The following CCM2 variants were observed in gnomAD, a reference collection of about 807,000 sequenced individuals.
CCM2 encodes cerebral cavernous malformations 2 protein.
A neutral mutation model predicts 44.9 loss-of-function variants in CCM2; 25 were observed. The ratio of observed to expected loss-of-function variants is 0.56; its 90% CI spans 0.41 to 0.78. The LOEUF (loss-of-function observed/expected upper bound fraction) is 0.78, where lower values mean the gene tolerates loss of function less well. Ranked by LOEUF, CCM2 falls within the 30% of genes least tolerant of loss-of-function variation. The pLI is 0.00. For missense variants in CCM2, 481 were observed against 580.6 expected (o/e 0.83, Z 1.76); for synonymous variants, 219 against 241.1 (o/e 0.91, Z 0.85).
chr7:45,040,018 CTG>C (rs904733302), intron 2 of CCM2, among the ~76,000 whole-genome samples: 1 of 151,560 alleles, frequency 6.6e-6, no homozygotes, highest in Non-Finnish European at 1.5e-5. Context: ...AAGAGTGAGA[CTG>C]TATGTCAAAA....
At chr7:45,034,245 C>G (rs1381254065) in intron 1 of CCM2, among the ~76,000 whole-genome samples, 1 of 151,434 alleles carries the variant, frequency 6.6e-6, no homozygotes, top group Non-Finnish European at 1.5e-5. Context: ...GAGTCTCTCT[C>G]TTGTTGCCCA....
chr7:45,018,766 T>G (rs529466835), intron 1 of CCM2, among the ~76,000 whole-genome samples: 2 of 123,996 alleles, frequency 1.6e-5, no homozygotes, highest in African/African-American at 8.5e-5. Context: ...AAGAATTTCT[T>G]TTTTTTTTTT....
At chr7:45,005,753 T>A (rs1319660682) in intron 1 of CCM2, among the ~76,000 whole-genome samples, 2 of 152,146 alleles carry the variant, frequency 1.3e-5, no homozygotes, top group Non-Finnish European at 2.9e-5. Flanking sequence ...CACTTACACC[T>A]AAAATTAGAG....
At chr7:45,022,768 T>G (rs983116049) in intron 1 of CCM2, among the ~76,000 whole-genome samples, 3 of 150,954 alleles carry the variant, frequency 2.0e-5, no homozygotes, top group Non-Finnish European at 3.0e-5. Context: ...TGAGACGGAG[T>G]CTCATTCTGT....
intron 6 of CCM2, chr7:45,070,373 G>A: frequency 2.3e-6 from 1 of 435,248 alleles, no homozygotes; most frequent in Non-Finnish European, 4.7e-6. Flanking sequence ...TGCTCTTAAT[G>A]TGAAACTCCT....
At chr7:45,006,164 A>C (rs1176521614) in intron 1 of CCM2, among the ~76,000 whole-genome samples, 2 of 152,100 alleles carry the variant, frequency 1.3e-5, no homozygotes, top group Non-Finnish European at 2.9e-5. Context: ...AAAGAAAAAA[A>C]ATCATGTAAC....
chr7:45,023,787 GTTTTT>G (rs10596429), intron 1 of CCM2, among the ~76,000 whole-genome samples: 1 of 58,616 alleles, frequency 1.7e-5, no homozygotes, highest in Non-Finnish European at 2.9e-5. Context: ...CTCTGTATCA[GTTTTT>G]TTTTTTTTTT....
At chr7:45,025,679 C>G (rs977817443) in intron 1 of CCM2, among the ~76,000 whole-genome samples, 6 of 152,146 alleles carry the variant, frequency 3.9e-5, no homozygotes, top group East Asian at 1.9e-4. Flanking sequence ...GATTAACAGG[C>G]ATGCGCCATC....
chr7:45,000,465 G>A (rs1316060684), intron 1 of CCM2, 102 bp downstream of exon 1: 1 of 65,862 alleles, frequency 1.5e-5, no homozygotes, highest in Non-Finnish European at 3.0e-5. Context: ...GGGGGGGGGG[G>A]CAGTGGGCCA....
At chr7:45,048,780 C>G (rs924173505) in intron 2 of CCM2, among the ~76,000 whole-genome samples, 3 of 151,932 alleles carry the variant, frequency 2.0e-5, no homozygotes, top group Non-Finnish European at 4.4e-5. Context: ...AAAATTCTTT[C>G]TGTAGTTTCC....
At position 45,073,521 on chromosome 7, in the gene CCM2, A is replaced by G; in HGVS notation, c.865A>G (p.Ser289Gly). Residue 289 changes from serine to glycine, a missense_variant, in exon 8 of 10, where the codon AGC becomes GGC. By Grantham distance (56) the Ser-to-Gly change is moderately conservative. Transcript: ENST00000258781. The stretch of plus-strand genomic sequence containing the variant: ...ACCCCACAGCAAGACCATCAGTGAG[A>G]GCGAGCTGAGCGCCAGCGCCACTGA... ...ASPHSKTISE[S>G]ELSASATELL... 5 of 1,613,184 alleles carry G rather than the reference A, an allele frequency of 3.1e-6. No homozygotes were observed. The highest frequency in any genetic ancestry group is 4.2e-6 in the Non-Finnish European group (5 of 1,179,962).
intron 1 of CCM2, among the ~76,000 whole-genome samples, chr7:45,035,907 T>A (rs1017334920): frequency 3.9e-5 from 6 of 152,142 alleles, no homozygotes; most frequent in African/African-American, 1.4e-4. Flanking sequence ...GTCATAAAAT[T>A]AACTGGTATA....
At chr7:45,061,460 T>TC (rs1345034643) in intron 2 of CCM2, among the ~76,000 whole-genome samples, 2 of 143,828 alleles carry the variant, frequency 1.4e-5, no homozygotes, top group Non-Finnish European at 3.0e-5. Flanking sequence ...TTCTTTCTTT[T>TC]TTTTTTTTTT....
Position 45,074,063 on chromosome 7 carries a change from G to A in CCM2, c.916-207G>A, listed in dbSNP as rs1012731082. 1.4e-5 allele frequency: 15 copies of A among 1,035,356 alleles called. 1 individual carries two copies. The highest frequency in any genetic ancestry group is 6.3e-4 in the Middle Eastern group (2 of 3,198). The allele number at this position is 1,035,356 out of a possible 1,614,324, so 64.1% of individuals were successfully genotyped here. A position where few individuals can be genotyped will look rare whatever the true frequency, so the allele number is the denominator to read the frequency against. On this transcript the variant is annotated intron_variant, in intron 8 of 9. Coordinates refer to ENST00000258781, the MANE Select transcript of CCM2 (RefSeq NM_031443.4). ...CCAGCTCAGGAGAGTGGAGCTGCCC[G>A]GGTGCCTTGGTCTCCTCTGGGTGGC...
rs555187684 is a variant in CCM2 at position 45,052,974 on chromosome 7, C to T, written c.205-10944C>T. On this transcript the variant is annotated intron_variant, in intron 2 of 9. Transcript: ENST00000258781. Reference sequence around the variant, plus strand: ...GATTCTGCAAAGTGCTAAGTATGTCCGTTCCTCTTGTATTACGTCTCTTAT... The same window carrying T: ...GATTCTGCAAAGTGCTAAGTATGTCTGTTCCTCTTGTATTACGTCTCTTAT... Among the ~76,000 whole-genome samples, 263 of 152,288 alleles carry T rather than the reference C, an allele frequency of 1.7e-3. 1 individual carries two copies. Among genetic ancestry groups the T allele is most frequent in the African/African-American group, 6.1e-3 (254 of 41,536 alleles).
intron 1 of CCM2, among the ~76,000 whole-genome samples, chr7:45,002,618 G>T (rs962172293): frequency 1.8e-4 from 28 of 152,040 alleles, no homozygotes; most frequent in Non-Finnish European, 2.1e-4. Context: ...CAGTGAGTTG[G>T]CAGAGAACCT....
intron 1 of CCM2, among the ~76,000 whole-genome samples, chr7:45,007,677 TAGGAACATGGA>T (rs1207130503): frequency 3.9e-5 from 6 of 152,156 alleles, no homozygotes; most frequent in African/African-American, 9.7e-5. Flanking sequence ...ATAAGCATAA[TAGGAACATGGA>T]ATTTGGGCTT....
chr7:45,005,481 C>A lies in CCM2; in HGVS notation c.30+5118C>A, dbSNP rs192420442. On this transcript the variant is annotated intron_variant, in intron 1 of 9. Coordinates refer to ENST00000258781, the MANE Select transcript of CCM2 (RefSeq NM_031443.4). ...GACGAGAAGGGCGTCTGCAGTCTGC[C>A]CCACTGGGGCGCTTACTCTTGATCT... Among the ~76,000 whole-genome samples the A allele has an allele frequency of 1.1e-4, 17 of 152,328 alleles. No individual in the cohort carries two copies. The East Asian group carries it at 3.3e-3, about 29-fold the overall frequency.
At position 45,068,392 on chromosome 7, in the gene CCM2, C is replaced by G. The variant is rs1469433637; in HGVS notation, c.473-51C>G. Reference sequence around the variant, plus strand: ...GGCCTCAGCTGTTTCCTCAAGTGCCCCCATGCCTGCCCTTCCACTGTGCTA... The same window carrying G: ...GGCCTCAGCTGTTTCCTCAAGTGCCGCCATGCCTGCCCTTCCACTGTGCTA... On this transcript the variant is annotated intron_variant, in intron 4 of 9. Coordinates refer to ENST00000258781, the MANE Select transcript of CCM2 (RefSeq NM_031443.4). 4 of 1,612,610 alleles carry G rather than the reference C, an allele frequency of 2.5e-6. No individual in the cohort carries two copies. The African/African-American group carries it at 4.0e-5, about 16-fold the overall frequency.
Sources: gnomAD v4.1 joint callset for allele counts (sites outside exome capture counted in the v4.1 genomes callset) on GRCh38, gnomAD v4.1.1 for gene constraint, MANE v1.5 for transcripts, NCBI Gene and HGNC (gene_info 2026-07-23, HGNC 2026-07-21) for gene names.